LRPPRC: variants seen among roughly 807,000 people sequenced by gnomAD.
LRPPRC encodes leucine-rich PPR motif-containing protein, mitochondrial.
A neutral mutation model predicts 180.3 loss-of-function variants in LRPPRC; 120 were observed. That is an observed-to-expected ratio of 0.67 (90% CI 0.57 to 0.77). The LOEUF is 0.77. Ranked by LOEUF, LRPPRC falls within the 30% of genes least tolerant of loss-of-function variation. LRPPRC has a pLI of 0.00. For synonymous variants in LRPPRC, 723 were observed against 600.0 expected (o/e 1.21, Z -3.00); for missense variants, 2,012 against 1,657.2 (o/e 1.21, Z -3.72).
At chr2:43,988,990 C>T (rs1674655965) in intron 1 of LRPPRC, among the ~76,000 whole-genome samples, 1 of 152,134 alleles carries the variant, frequency 6.6e-6, no homozygotes, top group Admixed American at 6.5e-5. Flanking sequence ...CCACCTCAGC[C>T]TCAGCTCCCA....
At chr2:43,902,425 C>CTT (rs1279111911) in intron 31 of LRPPRC, 1 of 152,070 alleles carries the variant, frequency 6.6e-6, no homozygotes, top group Non-Finnish European at 1.5e-5. Context: ...AGCAATGTAA[C>CTT]TTAGACAAAA....
At chr2:43,926,201 AAC>A (rs1329741030) in intron 25 of LRPPRC, among the ~76,000 whole-genome samples, 1 of 152,188 alleles carries the variant, frequency 6.6e-6, no homozygotes, top group African/African-American at 2.4e-5. Context: ...GAGAGCATAA[AAC>A]ACAAACTATG....
At chr2:43,933,608 T>G (rs561985014) in intron 25 of LRPPRC, among the ~76,000 whole-genome samples, 11 of 152,136 alleles carry the variant, frequency 7.2e-5, no homozygotes, top group Admixed American at 6.5e-5. Context: ...TCAATTCCAC[T>G]AAGCAAAATT....
chr2:43,902,845 T>C (rs1670938096), intron 31 of LRPPRC: 1 of 152,036 alleles, frequency 6.6e-6, no homozygotes, highest in African/African-American at 2.4e-5. Flanking sequence ...AAAACAATAA[T>C]AACAAAAATA....
chr2:43,994,881 T>TA (rs1200750435), intron 1 of LRPPRC, among the ~76,000 whole-genome samples: 13 of 152,330 alleles, frequency 8.5e-5, no homozygotes, highest in Admixed American at 5.2e-4. Context: ...GACACCCACT[T>TA]AGAGTTTAAC....
intron 6 of LRPPRC, 59 bp from the exon 7 acceptor site, chr2:43,975,276 C>T: frequency 1.4e-6 from 2 of 1,420,064 alleles, no homozygotes; most frequent in Non-Finnish European, 2.0e-6. Context: ...TATAGTTATT[C>T]AAACTAAAAC....
chr2:43,954,312 T>C (rs576754656), intron 14 of LRPPRC, among the ~76,000 whole-genome samples: 1 of 152,352 alleles, frequency 6.6e-6, no homozygotes, highest in Admixed American at 6.5e-5. Context: ...AATAGGTTAT[T>C]TCATAGAAGA....
intron 19 of LRPPRC, 36 bp downstream of exon 19, chr2:43,947,695 T>C: frequency 8.3e-7 from 1 of 1,210,780 alleles, no homozygotes; most frequent in South Asian, 1.2e-5. Context: ...AATATGGGTA[T>C]TATAGCATGT....
intron 14 of LRPPRC, among the ~76,000 whole-genome samples, chr2:43,955,766 T>C (rs1030843748): frequency 6.6e-6 from 1 of 152,094 alleles, no homozygotes; most frequent in East Asian, 1.9e-4. Flanking sequence ...TTGTGTGAAC[T>C]ACCAATAACT....
Position 43,918,039 on chromosome 2 carries a change from A to G in LRPPRC, c.3134T>C (p.Leu1045Ser), listed in dbSNP as rs1252621263. The G allele has an allele frequency of 6.3e-7, 1 of 1,578,312 alleles. No homozygotes were observed. The highest frequency in any genetic ancestry group is 8.6e-7 in the Non-Finnish European group (1 of 1,163,844). ...FQKDILIACR[L>S]NQKKGAYDIF... ...TATGTGCTTGCCTTTTTTTTGGTTC[A>G]ATCGGCAGGCAATCAATATATCTTT... The change falls in exon 29 of 38, where the codon TTG (leucine) becomes TCG (serine). Residue 1045 changes from leucine to serine, a missense_variant. Physicochemically the swap from Leu to Ser is moderately radical, Grantham distance 145 (BLOSUM62 -2). Transcript: ENST00000260665.
chr2:43,971,290 G>C (rs547547916), intron 11 of LRPPRC, among the ~76,000 whole-genome samples: 4 of 151,662 alleles, frequency 2.6e-5, no homozygotes, highest in Non-Finnish European at 2.9e-5. Context: ...ACTGGCTAGA[G>C]ATGCATTATT....
intron 1 of LRPPRC, among the ~76,000 whole-genome samples, chr2:43,988,092 A>T (rs9784049): frequency 0.69 from 105,152 of 151,704 alleles, 37,961 homozygotes; most frequent in Middle Eastern, 0.79. Context: ...ATACAAAAAT[A>T]AGCCGGGCAT....
At chr2:43,971,485 T>TAAAAAAAAAAAAAAAA (rs528659622) in intron 11 of LRPPRC, among the ~76,000 whole-genome samples, 53 of 62,354 alleles carry the variant, frequency 8.5e-4, no homozygotes, top group African/African-American at 1.4e-3. Flanking sequence ...TGTGTCACAG[T>TAAAAAAAAAAAAAAAA]AAAAAAAAAA....
At chr2:43,925,021 C>T (rs1022296536) in intron 27 of LRPPRC, 46 bp downstream of exon 27, 6 of 1,118,260 alleles carry the variant, frequency 5.4e-6, no homozygotes, top group Non-Finnish European at 8.2e-6. Context: ...CTGCCACTGC[C>T]TTCAACAGAA....
chr2:43,927,610 G>A (rs559452470), intron 25 of LRPPRC, among the ~76,000 whole-genome samples: 2 of 152,252 alleles, frequency 1.3e-5, no homozygotes, highest in South Asian at 2.1e-4. Flanking sequence ...GAAAAACTAT[G>A]AAATAATCCT....
intron 22 of LRPPRC, 151 bp downstream of exon 22, chr2:43,945,181 G>A (rs543457813): frequency 3.1e-6 from 2 of 645,356 alleles, no homozygotes; most frequent in African/African-American, 1.8e-5. Flanking sequence ...GGCCTACACT[G>A]TCCATGTAGC....
intron 30 of LRPPRC, 135 bp downstream of exon 30, chr2:43,912,297 T>G: frequency 1.3e-6 from 1 of 753,040 alleles, no homozygotes; most frequent in Non-Finnish European, 2.3e-6. Context: ...AGTTAACCAT[T>G]TCATATGATT....
chr2:43,978,239 T>C (rs957798247), intron 3 of LRPPRC, among the ~76,000 whole-genome samples: 4 of 152,134 alleles, frequency 2.6e-5, no homozygotes, highest in Non-Finnish European at 4.4e-5. Context: ...CTTGTATCTT[T>C]ATAAATCTGT....
intron 11 of LRPPRC, among the ~76,000 whole-genome samples, chr2:43,970,819 G>T (rs963940228): frequency 1.3e-5 from 2 of 152,176 alleles, no homozygotes; most frequent in Admixed American, 1.3e-4. Flanking sequence ...AGTAAGTTCC[G>T]CCAAGAGTGG....
Sources: allele counts gnomAD v4.1 joint callset (sites outside exome capture counted in the v4.1 genomes callset), GRCh38; gene constraint gnomAD v4.1.1; transcripts MANE v1.5; gene names NCBI Gene and HGNC (gene_info 2026-07-23, HGNC 2026-07-21).